The following LRRC4C variants were observed in gnomAD, a reference collection of about 807,000 sequenced individuals.
LRRC4C encodes leucine rich repeat containing 4C.
Under a neutral mutation model 33.6 loss-of-function variants are expected in LRRC4C, and 5 were observed. The ratio of observed to expected loss-of-function variants is 0.15; its 90% CI spans 0.08 to 0.31. The LOEUF is 0.31. LRRC4C is among the 10% of genes least tolerant of loss of function. The pLI is 1.00. For missense variants in LRRC4C, 560 were observed against 796.7 expected (o/e 0.70, Z 3.58); for synonymous variants, 329 against 302.0 (o/e 1.09, Z -0.93).
At chr11:41,372,381 T>C (rs564958449) in intron 1 of LRRC4C, among the ~76,000 whole-genome samples, 3 of 152,358 alleles carry the variant, frequency 2.0e-5, no homozygotes, top group Admixed American at 2.0e-4. Context: ...AGTATAATTA[T>C]GTCCTTTGAC....
chr11:41,043,640 TA>T (rs35604848), intron 1 of LRRC4C, among the ~76,000 whole-genome samples: 68,039 of 149,390 alleles, frequency 0.46, 16,050 homozygotes, highest in South Asian at 0.61. Flanking sequence ...AACCAAGGCA[TA>T]AAAAAAAAAA....
intron 3 of LRRC4C, among the ~76,000 whole-genome samples, chr11:40,461,987 T>C (rs1952420018): frequency 6.6e-6 from 1 of 151,814 alleles, no homozygotes; most frequent in Non-Finnish European, 1.5e-5. Context: ...ACAGGAAGAC[T>C]AGGTGGTCCA....
At chr11:41,244,952 T>C (rs1428246396) in intron 1 of LRRC4C, among the ~76,000 whole-genome samples, 1 of 152,164 alleles carries the variant, frequency 6.6e-6, no homozygotes, top group Non-Finnish European at 1.5e-5. Flanking sequence ...CTACATCACC[T>C]GTTAGGTCTC....
chr11:41,425,832 C>T (rs1955019215), intron 1 of LRRC4C, among the ~76,000 whole-genome samples: 1 of 152,022 alleles, frequency 6.6e-6, no homozygotes, highest in Admixed American at 6.6e-5. Flanking sequence ...AGAATGGCAA[C>T]TGGGTTTCAA....
intron 3 of LRRC4C, among the ~76,000 whole-genome samples, chr11:40,586,410 C>T (rs1304952230): frequency 6.8e-6 from 1 of 147,034 alleles, no homozygotes; most frequent in Non-Finnish European, 1.5e-5. Flanking sequence ...AAAATTTTCT[C>T]CCATTTTGTA....
intron 5 of LRRC4C, among the ~76,000 whole-genome samples, chr11:40,169,803 T>G (rs1859897677): frequency 6.6e-6 from 1 of 152,142 alleles, no homozygotes; most frequent in Non-Finnish European, 1.5e-5. Context: ...AATTCACAAT[T>G]CACACGATTT....
At chr11:40,824,885 A>T (rs541883473) in intron 2 of LRRC4C, among the ~76,000 whole-genome samples, 31 of 152,046 alleles carry the variant, frequency 2.0e-4, no homozygotes, top group Admixed American at 8.5e-4. Flanking sequence ...CAATATACGT[A>T]CTAATATAAA....
At chr11:41,200,308 A>G (rs1466221837) in intron 1 of LRRC4C, among the ~76,000 whole-genome samples, 2 of 152,188 alleles carry the variant, frequency 1.3e-5, no homozygotes, top group Non-Finnish European at 1.5e-5. Context: ...GGTTTAAATC[A>G]GAAAATGCTG....
At chr11:41,106,776 G>A (rs888087821) in intron 1 of LRRC4C, among the ~76,000 whole-genome samples, 1 of 151,970 alleles carries the variant, frequency 6.6e-6, no homozygotes, top group Non-Finnish European at 1.5e-5. Context: ...CTCATTTTGG[G>A]AGGTGAAGGT....
intron 1 of LRRC4C, among the ~76,000 whole-genome samples, chr11:40,936,863 G>A (rs1307022686): frequency 2.0e-5 from 3 of 152,096 alleles, no homozygotes; most frequent in East Asian, 1.9e-4. Flanking sequence ...ACAAAAACAA[G>A]TTCTAATTTG....
At chr11:40,370,242 G>A (rs1948393500) in intron 3 of LRRC4C, among the ~76,000 whole-genome samples, 1 of 152,114 alleles carries the variant, frequency 6.6e-6, no homozygotes, top group Non-Finnish European at 1.5e-5. Flanking sequence ...ATGCCAGCCA[G>A]CTGGGACTTC....
At chr11:41,432,651 C>A (rs1377176178) in intron 1 of LRRC4C, among the ~76,000 whole-genome samples, 1 of 152,004 alleles carries the variant, frequency 6.6e-6, no homozygotes, top group South Asian at 2.1e-4. Flanking sequence ...GCACAGCAAA[C>A]ATACACACAC....
At chr11:40,343,220 C>A (rs1946953832) in intron 3 of LRRC4C, among the ~76,000 whole-genome samples, 1 of 152,044 alleles carries the variant, frequency 6.6e-6, no homozygotes, top group Non-Finnish European at 1.5e-5. Flanking sequence ...ACCTTAGGCA[C>A]ATAATGAAGC....
chr11:40,385,887 T>TAAATA (rs1555041332), intron 3 of LRRC4C, among the ~76,000 whole-genome samples: 170 of 148,018 alleles, frequency 1.1e-3, no homozygotes, highest in South Asian at 8.0e-3. Flanking sequence ...AATAAATAAA[T>TAAATA]AAATAAAATA....
chr11:41,135,597 T>TTTGG (rs1443464920), intron 1 of LRRC4C, among the ~76,000 whole-genome samples: 1 of 152,172 alleles, frequency 6.6e-6, no homozygotes, highest in Non-Finnish European at 1.5e-5. Flanking sequence ...TACATTAATG[T>TTTGG]TGTATGTAAA....
chr11:41,221,643 A>G (rs1447527802), intron 1 of LRRC4C, among the ~76,000 whole-genome samples: 1 of 152,240 alleles, frequency 6.6e-6, no homozygotes, highest in African/African-American at 2.4e-5. Context: ...AAGATATGGA[A>G]TCAACCTAAA....
chr11:40,889,889 TGTA>T (rs904091941), intron 2 of LRRC4C, among the ~76,000 whole-genome samples: 27 of 152,160 alleles, frequency 1.8e-4, no homozygotes, highest in African/African-American at 6.3e-4. Flanking sequence ...AGAAAATGAA[TGTA>T]GTGTTTGCAC....
chr11:40,701,354 C>T (rs9645616), intron 2 of LRRC4C, among the ~76,000 whole-genome samples: 23,892 of 151,942 alleles, frequency 0.16, 1,990 homozygotes, highest in African/African-American at 0.17. Flanking sequence ...CAAAGATGCA[C>T]TACCTTCTTT....
intron 1 of LRRC4C, among the ~76,000 whole-genome samples, chr11:41,076,495 T>C (rs1254225516): frequency 6.6e-6 from 1 of 152,094 alleles, no homozygotes; most frequent in African/African-American, 2.4e-5. Flanking sequence ...GAGAGTGAAG[T>C]GGGAGGTGCT....
Sources: gnomAD v4.1 joint callset for allele counts (sites outside exome capture counted in the v4.1 genomes callset) on GRCh38, gnomAD v4.1.1 for gene constraint, MANE v1.5 for transcripts, NCBI Gene and HGNC (gene_info 2026-07-23, HGNC 2026-07-21) for gene names.